SNX31: variants seen among roughly 807,000 people sequenced by gnomAD.
SNX31 encodes sorting nexin-31.
Under a neutral mutation model 65.4 loss-of-function variants are expected in SNX31, and 58 were observed. The observed-to-expected ratio is 0.89, with a 90% CI of 0.72 to 1.10. The LOEUF is 1.10. Among genes scored for constraint, SNX31 ranks in the 50% least tolerant of loss-of-function variants. The pLI, the probability that SNX31 is intolerant of heterozygous loss-of-function variation, is 0.00. For synonymous variants in SNX31, 181 were observed against 190.1 expected (o/e 0.95, Z 0.39); for missense variants, 523 against 529.7 (o/e 0.99, Z 0.12).
chr8:100,607,189 C>A (rs78057646), intron 8 of SNX31, among the ~76,000 whole-genome samples: 4,683 of 152,312 alleles, frequency 0.031, 169 homozygotes, highest in East Asian at 0.12. Context: ...ACCCTGCCTG[C>A]TGCCTGAGAA....
chr8:100,600,370 C>T lies in SNX31; in HGVS notation c.753G>A (p.Gln251=), dbSNP rs1440420391. Reference sequence around the variant, plus strand: ...TCACCTTTGTTTGACTGTCTTCTTTCTGGAAAGCTTCTAATTTCTGCCTCT... The same window carrying T: ...TCACCTTTGTTTGACTGTCTTCTTTTTGGAAAGCTTCTAATTTCTGCCTCT... ...QAQRQKLEAF[Q]KEDSQTKFLE... The change falls in exon 9 of 14, where the codon CAG becomes CAA. Residue 251 remains glutamine (Q), a synonymous_variant. Transcript: ENST00000311812. The T allele has an allele frequency of 6.2e-7, 1 of 1,613,472 alleles. No individual in the cohort carries two copies. Among genetic ancestry groups the T allele is most frequent in the Non-Finnish European group, 8.5e-7 (1 of 1,179,744 alleles).
chr8:100,655,939 T>C (rs570698595), intron 1 of SNX31, among the ~76,000 whole-genome samples: 7 of 152,154 alleles, frequency 4.6e-5, no homozygotes, highest in Admixed American at 4.6e-4. Flanking sequence ...AGCAAGGAAG[T>C]TTTTTGAGAG....
At chr8:100,621,525 A>G (rs945698158) in intron 4 of SNX31, among the ~76,000 whole-genome samples, 19 of 152,196 alleles carry the variant, frequency 1.2e-4, no homozygotes, top group African/African-American at 4.6e-4. Flanking sequence ...CCCATCTTAA[A>G]TGATCTCTTG....
intron 10 of SNX31, among the ~76,000 whole-genome samples, chr8:100,591,829 T>TTAAAAA (rs1257412812): frequency 3.2e-4 from 49 of 152,210 alleles, no homozygotes; most frequent in African/African-American, 1.0e-3. Context: ...ACCCTGCCTC[T>TTAAAAA]TAAAAATAAA....
intron 3 of SNX31, among the ~76,000 whole-genome samples, chr8:100,631,791 G>A (rs191652237): frequency 3.5e-3 from 534 of 152,286 alleles, no homozygotes; most frequent in African/African-American, 8.8e-3. Context: ...CGGAGTGGAG[G>A]AGGGGAAGCC....
intron 2 of SNX31, among the ~76,000 whole-genome samples, chr8:100,641,625 C>T (rs1303495011): frequency 1.3e-3 from 61 of 48,766 alleles, no homozygotes; most frequent in African/African-American, 3.3e-3. Context: ...CACACACGCG[C>T]ATATATATAT....
In SNX31 at chr8:100,600,340, T is replaced by G. The variant is rs377046187; in HGVS notation, c.774+9A>C. On this transcript the variant is annotated intron_variant, in intron 9 of 13. Transcript: ENST00000311812. ...CAAGGGATTTCTCTTGGAGCAATATTTGATTCACCTTTGTTTGACTGTCTT... is the reference window on the plus strand; with the variant it reads ...CAAGGGATTTCTCTTGGAGCAATATGTGATTCACCTTTGTTTGACTGTCTT... The G allele has an allele frequency of 1.7e-5, 27 of 1,610,418 alleles. No homozygotes were observed. In the Middle Eastern group the frequency reaches 8.3e-4, roughly 49 times the overall value.
In SNX31 at chr8:100,573,436, C is replaced by T. The variant is rs772127873; in HGVS notation, c.*429G>A. 2.0e-5 allele frequency: 3 copies of T among 152,208 alleles called. No individual in the cohort carries two copies. The highest frequency in any genetic ancestry group is 4.4e-5 in the Non-Finnish European group (3 of 68,192). 9.4% of individuals were successfully genotyped at this position (152,208 alleles called of 1,614,324 possible). A position where few individuals can be genotyped will look rare whatever the true frequency, so the allele number is the denominator to read the frequency against. On this transcript the variant is annotated 3_prime_UTR_variant, in exon 14 of 14. Transcript: ENST00000311812. ...GTTGAAGAGTCACATCTTTAGAAAT[C>T]GATCCAAAATATCTTTATGATATTT...
rs1453524753 is a variant in SNX31, at chr8:100,626,269, A to C, written c.321+4058T>G. Among the ~76,000 whole-genome samples the C allele has an allele frequency of 6.6e-6, 1 of 152,150 alleles. No homozygotes were observed. The highest frequency in any genetic ancestry group is 6.6e-5 in the Admixed American group (1 of 15,266). On this transcript the variant is annotated intron_variant, in intron 4 of 13. Transcript: ENST00000311812. The surrounding 1 kb of genome is among the most constrained non-coding windows in gnomAD (Gnocchi z 4.4). Reference sequence around the variant, plus strand: ...CCAAGAGACAGGAGCTCTTCTCCCCATTTTACAGATGGGGAAACTGAGGTA... The same window carrying C: ...CCAAGAGACAGGAGCTCTTCTCCCCCTTTTACAGATGGGGAAACTGAGGTA...
chr8:100,620,710 T>C (rs537479602), intron 4 of SNX31, among the ~76,000 whole-genome samples: 4 of 152,362 alleles, frequency 2.6e-5, no homozygotes, highest in East Asian at 1.9e-4. Context: ...GTTTCACATA[T>C]AGCAGCTCAC....
At chr8:100,639,128 T>C (rs1385110550) in intron 2 of SNX31, among the ~76,000 whole-genome samples, 1 of 152,232 alleles carries the variant, frequency 6.6e-6, no homozygotes, top group Non-Finnish European at 1.5e-5. Flanking sequence ...GAATTGTGGA[T>C]GCATGACACT....
chr8:100,643,044 A>C (rs1442314049), intron 2 of SNX31, among the ~76,000 whole-genome samples: 1 of 152,066 alleles, frequency 6.6e-6, no homozygotes, highest in Non-Finnish European at 1.5e-5. Flanking sequence ...TACAAAAATT[A>C]GCCAGGTGTG....
At chr8:100,577,163 C>G in intron 12 of SNX31, 88 bp from the exon 13 acceptor site, 1 of 1,150,102 alleles carries the variant, frequency 8.7e-7, no homozygotes, top group Non-Finnish European at 1.3e-6. Context: ...TTCCCTTCCA[C>G]GATAATCCTC....
intron 4 of SNX31, among the ~76,000 whole-genome samples, chr8:100,620,723 A>T (rs1441397746): frequency 1.3e-5 from 2 of 152,198 alleles, no homozygotes; most frequent in African/African-American, 2.4e-5. Flanking sequence ...CAGCTCACTT[A>T]ATTCTCATAA....
intron 12 of SNX31, among the ~76,000 whole-genome samples, chr8:100,581,325 C>CTATATATATATATA (rs1401988460): frequency 4.7e-4 from 61 of 129,312 alleles, no homozygotes; most frequent in East Asian, 1.6e-3. Context: ...ATATCTATAT[C>CTATATATATATATA]TATCTATCTA....
At chr8:100,611,854 C>T (rs1816740470) in intron 7 of SNX31, 146 bp downstream of exon 7, 1 of 644,758 alleles carries the variant, frequency 1.6e-6, no homozygotes. Context: ...CAGCACCTGG[C>T]CTTCATTGCT....
At chr8:100,577,472 A>G (rs1326317568) in intron 12 of SNX31, among the ~76,000 whole-genome samples, 2 of 152,252 alleles carry the variant, frequency 1.3e-5, no homozygotes, top group Non-Finnish European at 2.9e-5. Flanking sequence ...AATCAAACGA[A>G]GAATCAAAGC....
chr8:100,581,325 C>CTATATATATA lies in SNX31; in HGVS notation c.1170+2785_1170+2786insTATATATATA, dbSNP rs1401988460. 1.9e-3 allele frequency among the ~76,000 whole-genome samples: 246 copies of CTATATATATA among 129,278 alleles called. 1 individual carries two copies. Among genetic ancestry groups the CTATATATATA allele is most frequent in the South Asian group, 4.1e-3 (18 of 4,344 alleles). The allele number at this position is 129,278 out of a possible 152,430, so 84.8% of individuals were successfully genotyped here. ...AAAAAAATTTTTTATATATCTATATCTATCTATCTATCTATATATATATAT... is the reference window on the plus strand; with the variant it reads ...AAAAAAATTTTTTATATATCTATATCTATATATATATATCTATCTATCTATATATATATAT... On this transcript the variant is annotated intron_variant, in intron 12 of 13. Transcript: ENST00000311812.
chr8:100,618,265 T>A, intron 4 of SNX31: 1 of 1,466,334 alleles, frequency 6.8e-7, no homozygotes, highest in Non-Finnish European at 9.2e-7. Flanking sequence ...AACAACTGAG[T>A]ATCTATATTG....
Sources: allele counts gnomAD v4.1 joint callset (sites outside exome capture counted in the v4.1 genomes callset), GRCh38; gene constraint gnomAD v4.1.1; non-coding constraint Gnocchi (gnomAD v3.1); transcripts MANE v1.5; gene names NCBI Gene and HGNC (gene_info 2026-07-23, HGNC 2026-07-21).